The following SLC25A28 variants were observed in gnomAD, a reference collection of about 807,000 sequenced individuals.
SLC25A28 encodes solute carrier family 25 member 28.
Under a neutral mutation model 31.9 loss-of-function variants are expected in SLC25A28, and 10 were observed. That is an observed-to-expected ratio of 0.31 (90% CI 0.19 to 0.53). The LOEUF is 0.53. SLC25A28 is among the 20% of genes least tolerant of loss of function. The pLI is 0.95. For missense variants in SLC25A28, 256 were observed against 490.3 expected (o/e 0.52, Z 4.51); for synonymous variants, 208 against 203.6 (o/e 1.02, Z -0.19).
chr10:99,632,436 T>G, the SLC25A28 span, among the ~76,000 whole-genome samples: 1 of 152,172 alleles, frequency 6.6e-6, no homozygotes, highest in Non-Finnish European at 1.5e-5. Context: ...GAGGGACAAC[T>G]GTACTTCACT....
chr10:99,626,847 G>A, the SLC25A28 span, among the ~76,000 whole-genome samples: 130,239 of 151,822 alleles, frequency 0.86, 55,942 homozygotes, highest in Middle Eastern at 0.92. Flanking sequence ...GCAGTTTTCA[G>A]TCCCACCGTT....
chr10:99,617,594 T>C, intron 1 of SLC25A28: 1 of 985,444 alleles, frequency 1.0e-6, no homozygotes, highest in Non-Finnish European at 1.2e-6. Context: ...GATTTGAATT[T>C]TACTTTCATG....
At chr10:99,649,942 A>G in the SLC25A28 span, among the ~76,000 whole-genome samples, 127,734 of 152,102 alleles carry the variant, frequency 0.84, 53,879 homozygotes, top group Middle Eastern at 0.92. Flanking sequence ...TCATTTAGTT[A>G]TGATCTAATC....
chr10:99,624,176 CT>C (rs906920323), upstream of SLC25A28, among the ~76,000 whole-genome samples: 9 of 146,648 alleles, frequency 6.1e-5, no homozygotes, highest in East Asian at 6.0e-4. Flanking sequence ...TCCTTCCTTC[CT>C]TTTTTTCTTC....
the SLC25A28 span, among the ~76,000 whole-genome samples, chr10:99,638,047 T>C: frequency 4.1e-4 from 62 of 152,212 alleles, 1 homozygote; most frequent in African/African-American, 1.4e-3. Context: ...TTTCAAACTA[T>C]ATTAAAAGGC....
upstream of SLC25A28, chr10:99,622,035 C>T (rs2034806055): frequency 6.6e-6 from 1 of 152,236 alleles, no homozygotes; most frequent in Non-Finnish European, 1.5e-5. Flanking sequence ...TTAACCTCTC[C>T]CTGGCCGGCG....
At chr10:99,642,129 T>C in the SLC25A28 span, among the ~76,000 whole-genome samples, 1 of 152,160 alleles carries the variant, frequency 6.6e-6, no homozygotes, top group South Asian at 2.1e-4. Flanking sequence ...TTGATGGGGA[T>C]GGCATTGAAT....
chr10:99,620,363 C>G lies in SLC25A28; in HGVS notation c.-28G>C, dbSNP rs1301474345. 8.1e-6 allele frequency: 9 copies of G among 1,105,710 alleles called. No individual in the cohort carries two copies. The African/African-American group carries it at 1.3e-4, about 16-fold the overall frequency. 68.5% of individuals were successfully genotyped at this position (1,105,710 alleles called of 1,614,324 possible). On this transcript the variant is annotated 5_prime_UTR_variant, in exon 1 of 4. Coordinates refer to ENST00000370495, the MANE Select transcript of SLC25A28 (RefSeq NM_031212.4). Reference sequence around the variant, plus strand: ...ACCCGGGCCAGCTGCGGCGCCCACCCCCGCCGCCGCTGCCACCACTGCCGC... The same window carrying G: ...ACCCGGGCCAGCTGCGGCGCCCACCGCCGCCGCCGCTGCCACCACTGCCGC...
In SLC25A28 at chr10:99,618,198, T is replaced by C. The variant is rs191778814; in HGVS notation, c.291+1847A>G. On this transcript the variant is annotated intron_variant, in intron 1 of 3. Coordinates refer to ENST00000370495, the MANE Select transcript of SLC25A28 (RefSeq NM_031212.4). The stretch of plus-strand genomic sequence containing the variant: ...ATTCTAGAAGCATTTTTAACAGGGA[T>C]TTATAAAATGTTTATAGCAACAATA... The C allele has an allele frequency of 2.3e-4, 204 of 888,582 alleles. No individual in the cohort carries two copies. In the East Asian group the frequency reaches 5.6e-3, roughly 24 times the overall value. The allele number at this position is 888,582 out of a possible 1,614,324, so 55.0% of individuals were successfully genotyped here. A position where few individuals can be genotyped will look rare whatever the true frequency, so the allele number is the denominator to read the frequency against.
chr10:99,624,165 CTCCTTCCTTCCTTTTTTTCT>C (rs1391866153), upstream of SLC25A28, among the ~76,000 whole-genome samples: 1 of 139,724 alleles, frequency 7.2e-6, no homozygotes, highest in African/African-American at 2.7e-5. Context: ...TTCTTCCTTT[CTCCTTCCTTCCTTTTTTTCT>C]TCCTTCCTTC....
At chr10:99,620,722 T>C (rs2034771756), upstream of SLC25A28, 2 of 985,558 alleles carry the variant, frequency 2.0e-6, no homozygotes, top group African/African-American at 3.5e-5. Flanking sequence ...AGGCTGAACT[T>C]TGATAGGCTC....
At chr10:99,616,350 G>C (rs2034654335) in intron 1 of SLC25A28, 1 of 781,574 alleles carries the variant, frequency 1.3e-6, no homozygotes, top group Non-Finnish European at 1.6e-6. Context: ...AGAATGACTG[G>C]CTCACAGGGC....
At chr10:99,654,347 TA>T in the SLC25A28 span, among the ~76,000 whole-genome samples, 1 of 152,190 alleles carries the variant, frequency 6.6e-6, no homozygotes, top group Non-Finnish European at 1.5e-5. Flanking sequence ...TTGATGATGT[TA>T]TCAAGAACCC....
the SLC25A28 span, among the ~76,000 whole-genome samples, chr10:99,646,698 G>A: frequency 6.6e-6 from 1 of 152,318 alleles, no homozygotes; most frequent in African/African-American, 2.4e-5. Context: ...CTCCCCAGAA[G>A]AGACAAGTGC....
chr10:99,610,582 G>A lies in SLC25A28; in HGVS notation c.*267C>T. ...ATGAGCTGCTTATCCCTCTATAACA[G>A]TCTAGAGCAGGTCATCAGGCCCAGG... On this transcript the variant is annotated 3_prime_UTR_variant, in exon 4 of 4. Coordinates refer to ENST00000370495, the MANE Select transcript of SLC25A28 (RefSeq NM_031212.4). 1 of 508,012 alleles carries A rather than the reference G, an allele frequency of 2.0e-6. No individual in the cohort carries two copies. Among genetic ancestry groups the A allele is most frequent in the South Asian group, 2.3e-5 (1 of 43,708 alleles). 31.5% of individuals were successfully genotyped at this position (508,012 alleles called of 1,614,324 possible). A position where few individuals can be genotyped will look rare whatever the true frequency, so the allele number is the denominator to read the frequency against.
chr10:99,627,696 C>T, the SLC25A28 span, among the ~76,000 whole-genome samples: 3 of 152,120 alleles, frequency 2.0e-5, no homozygotes, highest in Admixed American at 6.5e-5. Context: ...CCACTTCAGC[C>T]TCCCAAAGTG....
the SLC25A28 span, among the ~76,000 whole-genome samples, chr10:99,645,366 T>C: frequency 6.6e-6 from 1 of 152,206 alleles, no homozygotes; most frequent in Non-Finnish European, 1.5e-5. Flanking sequence ...AGATTGTGCA[T>C]TTGTCACAGT....
chr10:99,651,377 A>G, the SLC25A28 span, among the ~76,000 whole-genome samples: 1 of 152,092 alleles, frequency 6.6e-6, no homozygotes, highest in Non-Finnish European at 1.5e-5. Flanking sequence ...TATTTGGTGA[A>G]GTGCACAAAT....
the SLC25A28 span, among the ~76,000 whole-genome samples, chr10:99,630,168 C>T: frequency 6.6e-6 from 1 of 152,020 alleles, no homozygotes; most frequent in Non-Finnish European, 1.5e-5. Flanking sequence ...CCATTCTATA[C>T]CCCTGGCTGG....
Sources: allele counts gnomAD v4.1 joint callset (sites outside exome capture counted in the v4.1 genomes callset), GRCh38; gene constraint gnomAD v4.1.1; transcripts MANE v1.5; gene names NCBI Gene and HGNC (gene_info 2026-07-23, HGNC 2026-07-21).